The following ALMS1 variants were observed in gnomAD, a reference collection of about 807,000 sequenced individuals.
ALMS1 encodes the protein centrosome-associated protein ALMS1.
In ALMS1, 271 loss-of-function variants were observed where a neutral mutation model predicts 352.2. The observed-to-expected ratio is 0.77, with a 90% CI of 0.70 to 0.85. The LOEUF is 0.85. Among genes scored for constraint, ALMS1 ranks in the 40% least tolerant of loss-of-function variants. The probability of loss-of-function intolerance (pLI) is 0.00; values close to 1 mark genes in which losing one functional copy is unlikely to be tolerated. For missense variants in ALMS1, 5,445 were observed against 4,870.7 expected (o/e 1.12, Z -3.51); for synonymous variants, 1,865 against 1,761.2 (o/e 1.06, Z -1.48).
chr2:73,435,210 TTGTGA>T (rs1180823508), intron 7 of ALMS1, among the ~76,000 whole-genome samples: 17 of 152,234 alleles, frequency 1.1e-4, no homozygotes, highest in African/African-American at 4.1e-4. Flanking sequence ...TGTTTTTGCC[TTGTGA>T]TGTGATTATT....
chr2:73,430,420 A>G (rs1461743133), intron 6 of ALMS1, among the ~76,000 whole-genome samples: 1 of 152,156 alleles, frequency 6.6e-6, no homozygotes, highest in African/African-American at 2.4e-5. Context: ...ACTTTAACAT[A>G]ATGAAATTTT....
chr2:73,601,066 G>C, intron 18 of ALMS1, 129 bp from the exon 19 acceptor site: 1 of 1,498,008 alleles, frequency 6.7e-7, no homozygotes, highest in Non-Finnish European at 9.1e-7. Context: ...CCAGACTCAA[G>C]GGCACCCTGT....
At chr2:73,544,330 C>T (rs1674263266) in intron 12 of ALMS1, among the ~76,000 whole-genome samples, 1 of 151,930 alleles carries the variant, frequency 6.6e-6, no homozygotes, top group Non-Finnish European at 1.5e-5. Context: ...AACACATGGA[C>T]ACAGGAAGGG....
intron 10 of ALMS1, among the ~76,000 whole-genome samples, chr2:73,493,606 C>G (rs1673037777): frequency 6.6e-6 from 1 of 151,844 alleles, no homozygotes; most frequent in Admixed American, 6.6e-5. Context: ...CTTGTAATCC[C>G]AGCTACTCAG....
intron 10 of ALMS1, among the ~76,000 whole-genome samples, chr2:73,517,246 C>CTTTTT (rs770879267): frequency 3.0e-4 from 31 of 104,960 alleles, no homozygotes; most frequent in South Asian, 8.6e-4. Context: ...AAGTTTTAGT[C>CTTTTT]TTTTTTTTTT....
At chr2:73,491,596 G>C in intron 10 of ALMS1, 98 bp downstream of exon 10, 11 of 1,318,194 alleles carry the variant, frequency 8.3e-6, no homozygotes, top group Non-Finnish European at 1.2e-5. Context: ...AAGGCCGTGT[G>C]ATTTCTCTGA....
chr2:73,463,708 TAAAG>T (rs1184554846), intron 9 of ALMS1, among the ~76,000 whole-genome samples: 2 of 131,820 alleles, frequency 1.5e-5, no homozygotes, highest in African/African-American at 2.8e-5. Context: ...GCAAGACTAA[TAAAG>T]AAAAAAAGAG....
At chr2:73,429,979 C>T (rs569821249) in intron 6 of ALMS1, among the ~76,000 whole-genome samples, 3 of 152,048 alleles carry the variant, frequency 2.0e-5, no homozygotes, top group African/African-American at 7.2e-5. Flanking sequence ...CTGTTTTCTC[C>T]TGGTTCTTTC....
chr2:73,517,765 C>T (rs1673591157), intron 10 of ALMS1, among the ~76,000 whole-genome samples: 1 of 151,966 alleles, frequency 6.6e-6, no homozygotes, highest in Non-Finnish European at 1.5e-5. Context: ...TCAAGTGATT[C>T]TCCTGCCTCA....
chr2:73,467,432 C>A (rs1672379269), intron 9 of ALMS1, among the ~76,000 whole-genome samples: 2 of 151,822 alleles, frequency 1.3e-5, no homozygotes, highest in South Asian at 4.2e-4. Context: ...ATCAGAGTAG[C>A]TAAAATTAAA....
chr2:73,398,368 C>T (rs770573076), intron 1 of ALMS1, among the ~76,000 whole-genome samples: 1 of 152,166 alleles, frequency 6.6e-6, no homozygotes, highest in Non-Finnish European at 1.5e-5. Flanking sequence ...TACATGCTGT[C>T]TTTATTACTG....
chr2:73,521,080 T>G (rs1222524666), intron 11 of ALMS1, among the ~76,000 whole-genome samples: 1 of 152,208 alleles, frequency 6.6e-6, no homozygotes, highest in Non-Finnish European at 1.5e-5. Flanking sequence ...TTTAAGTAAG[T>G]GCATTTATAT....
chr2:73,436,807 C>G (rs1350694695), intron 7 of ALMS1, among the ~76,000 whole-genome samples: 2 of 152,098 alleles, frequency 1.3e-5, no homozygotes, highest in Non-Finnish European at 2.9e-5. Flanking sequence ...TTTAAGCATC[C>G]TTTTCTTCCC....
At position 73,515,705 on chromosome 2, in the gene ALMS1, AAG is replaced by A. The variant is rs1437903428; in HGVS notation, c.9540-4068_9540-4067del. ...CCACTAACTAAATTGTTAAAGAAAA[AAG>A]AAGACAAAATAAGTACAATCAGAAA... On this transcript the variant is annotated intron_variant, in intron 10 of 22. Coordinates refer to ENST00000613296, the MANE Select transcript of ALMS1 (RefSeq NM_001378454.1). 5.3e-5 allele frequency among the ~76,000 whole-genome samples: 8 copies of A among 152,008 alleles called. No individual in the cohort carries two copies. The East Asian group carries it at 1.5e-3, about 29-fold the overall frequency.
At chr2:73,547,361 G>A (rs1674344210) in intron 12 of ALMS1, among the ~76,000 whole-genome samples, 1 of 152,206 alleles carries the variant, frequency 6.6e-6, no homozygotes, top group Non-Finnish European at 1.5e-5. Context: ...TTAAAGCAGA[G>A]ATAAGTTCCT....
Position 73,450,020 on chromosome 2 carries a change from C to G in ALMS1, c.3493C>G (p.Pro1165Ala). Residue 1165 changes from proline to alanine, a missense_variant, in exon 8 of 23, where the codon CCT becomes GCT. Pro to Ala is a conservative substitution (Grantham distance 27). Transcript: ENST00000613296. ...HQQALPGTHI[P>A]EEAQKVSAVT... ...GCAGGCCTTGCCAGGTACTCATATACCTGAAGAGGCTCAGAAAGTTTCAGC... is the reference window on the plus strand; with the variant it reads ...GCAGGCCTTGCCAGGTACTCATATAGCTGAAGAGGCTCAGAAAGTTTCAGC... 1 of 1,613,416 alleles carries G rather than the reference C, an allele frequency of 6.2e-7. No homozygotes were observed. The highest frequency in any genetic ancestry group is 8.5e-7 in the Non-Finnish European group (1 of 1,179,798).
intron 16 of ALMS1, among the ~76,000 whole-genome samples, chr2:73,580,633 C>T (rs1200643358): frequency 6.6e-6 from 1 of 152,174 alleles, no homozygotes; most frequent in African/African-American, 2.4e-5. Context: ...TCTTTTCATG[C>T]CTCATAATGT....
In ALMS1 at chr2:73,385,971, G is replaced by A; in HGVS notation, c.103G>A (p.Ala35Thr). 2 of 1,526,644 alleles carry A rather than the reference G, an allele frequency of 1.3e-6. No individual in the cohort carries two copies. Among genetic ancestry groups the A allele is most frequent in the Non-Finnish European group, 1.8e-6 (2 of 1,126,126 alleles). 94.6% of individuals were successfully genotyped at this position (1,526,644 alleles called of 1,614,324 possible). The stretch of plus-strand genomic sequence containing the variant: ...GGAGGAGGCTGCAGCGGCGGCGGCG[G>A]CGAACGTGGACGACGTAGTGGTCGT... ...EEEEAAAAAAANVDDVVVVEE... is the reference protein window; with the variant it reads ...EEEEAAAAAATNVDDVVVVEE... The change falls in exon 1 of 23, where the codon GCG becomes ACG. Residue 35 changes from alanine (A) to threonine (T), a missense_variant. Transcript: ENST00000613296.
chr2:73,412,618 A>G (rs555261171), intron 2 of ALMS1, among the ~76,000 whole-genome samples: 5 of 152,216 alleles, frequency 3.3e-5, no homozygotes, highest in African/African-American at 1.2e-4. Context: ...GGTGTAGTAG[A>G]AACCCCGTCT....
Sources: allele counts gnomAD v4.1 joint callset (sites outside exome capture counted in the v4.1 genomes callset), GRCh38; gene constraint gnomAD v4.1.1; transcripts MANE v1.5; gene names NCBI Gene and HGNC (gene_info 2026-07-23, HGNC 2026-07-21).